AADACL2: variants seen among roughly 807,000 people sequenced by gnomAD.
AADACL2 encodes the protein arylacetamide deacetylase-like 2.
AADACL2 carries 23 observed loss-of-function variants against 22.3 expected under a neutral mutation model. That is an observed-to-expected ratio of 1.03 (90% CI 0.74 to 1.46). The LOEUF (loss-of-function observed/expected upper bound fraction) is 1.46. Among genes scored for constraint, AADACL2 ranks in the 40% most tolerant of loss-of-function variants. AADACL2 has a pLI of 0.00. For synonymous variants in AADACL2, 177 were observed against 166.2 expected, an observed-to-expected ratio of 1.07 and a Z score of -0.50; for missense variants, 472 against 482.9, an observed-to-expected ratio of 0.98 and a Z score of 0.21.
chr3:151,737,135 G>A (rs1471265344), intron 1 of AADACL2, among the ~76,000 whole-genome samples: 1 of 152,114 alleles, frequency 6.6e-6, no homozygotes, highest in African/African-American at 2.4e-5. Context: ...CTTTAGCTGT[G>A]TCCCAGAGAT....
intron 4 of AADACL2, among the ~76,000 whole-genome samples, chr3:151,746,363 T>G (rs1270864132): frequency 8.9e-6 from 1 of 112,856 alleles, no homozygotes; most frequent in Non-Finnish European, 2.0e-5. Context: ...TGTGTTTTTT[T>G]TGTTTTTTTT....
At chr3:151,751,269 T>C (rs1183115123) in intron 4 of AADACL2, among the ~76,000 whole-genome samples, 1 of 152,204 alleles carries the variant, frequency 6.6e-6, no homozygotes, top group Non-Finnish European at 1.5e-5. Context: ...AAATTTCATC[T>C]GAAACCGGTT....
intron 2 of AADACL2, 131 bp downstream of exon 2, chr3:151,740,999 T>C (rs1713263683): frequency 1.5e-6 from 1 of 679,074 alleles, no homozygotes; most frequent in Non-Finnish European, 2.4e-6. Context: ...TGGATAAGTA[T>C]AGATATAAAT....
intron 3 of AADACL2, among the ~76,000 whole-genome samples, chr3:151,744,377 G>C (rs1576613172): frequency 6.6e-6 from 1 of 152,236 alleles, no homozygotes; most frequent in East Asian, 1.9e-4. Flanking sequence ...AGAGTAAGCA[G>C]TTTTGGAAAC....
In AADACL2 at chr3:151,757,807, C is replaced by T; in HGVS notation, c.*213C>T. On this transcript the variant is annotated 3_prime_UTR_variant, in exon 5 of 5. Coordinates refer to ENST00000356517, the MANE Select transcript of AADACL2 (RefSeq NM_207365.4). ...TGTAATCCTGCCTATTTTCTCCTTACTTATAATTTATTATAATTATGTTGG... is the reference window on the plus strand; with the variant it reads ...TGTAATCCTGCCTATTTTCTCCTTATTTATAATTTATTATAATTATGTTGG... The T allele has an allele frequency of 2.5e-6, 1 of 397,304 alleles. No individual in the cohort carries two copies. Among genetic ancestry groups the T allele is most frequent in the East Asian group, 4.4e-5 (1 of 22,934 alleles). 24.6% of individuals were successfully genotyped at this position (397,304 alleles called of 1,614,324 possible). A position where few individuals can be genotyped will look rare whatever the true frequency, so the allele number is the denominator to read the frequency against.
intron 1 of AADACL2, among the ~76,000 whole-genome samples, chr3:151,737,128 T>TAAG (rs1713113582): frequency 2.0e-5 from 3 of 152,196 alleles, no homozygotes; most frequent in African/African-American, 7.2e-5. Flanking sequence ...AACACTGCTT[T>TAAG]AGCTGTGTCC....
intron 2 of AADACL2, among the ~76,000 whole-genome samples, chr3:151,742,592 C>T (rs1713315797): frequency 6.6e-6 from 1 of 152,104 alleles, no homozygotes; most frequent in Non-Finnish European, 1.5e-5. Context: ...TTTCTTGTGG[C>T]TGATAAAGAA....
intron 3 of AADACL2, 114 bp from the exon 4 acceptor site, chr3:151,745,395 C>T (rs1291123068): frequency 1.8e-6 from 2 of 1,106,390 alleles, no homozygotes; most frequent in East Asian, 2.6e-5. Flanking sequence ...AAAACTTAGG[C>T]TTGATTTTTA....
intron 1 of AADACL2, among the ~76,000 whole-genome samples, chr3:151,739,327 C>T (rs561656586): frequency 9.8e-5 from 15 of 152,336 alleles, no homozygotes; most frequent in African/African-American, 3.6e-4. Context: ...CCAGTGGAGG[C>T]TGCAGAACAG....
At chr3:151,745,701 T>C (rs370659768) in intron 4 of AADACL2, 21 bp downstream of exon 4, 23 of 1,552,364 alleles carry the variant, frequency 1.5e-5, no homozygotes, top group Non-Finnish European at 1.6e-5. Flanking sequence ...TTTGTTTTTA[T>C]GATAGGAGGC....
rs527475769 is a variant in AADACL2, at chr3:151,758,956, A to G, written c.*1362A>G. 6.6e-6 allele frequency: 1 copy of G among 152,278 alleles called. No individual in the cohort carries two copies. Among genetic ancestry groups the G allele is most frequent in the African/African-American group, 2.4e-5 (1 of 41,570 alleles). The allele number at this position is 152,278 out of a possible 1,614,324, so 9.4% of individuals were successfully genotyped here. A position where few individuals can be genotyped will look rare whatever the true frequency, so the allele number is the denominator to read the frequency against. ...AAGGCAATTAAGAATTACAATTTCA[A>G]CAGTCCACAAACAAAATAAGATTTT... On this transcript the variant is annotated 3_prime_UTR_variant, in exon 5 of 5. Coordinates refer to ENST00000356517, the MANE Select transcript of AADACL2 (RefSeq NM_207365.4).
At position 151,757,411 on chromosome 3, in the gene AADACL2, T is replaced by C. The variant is rs1392254427; in HGVS notation, c.1023T>C (p.Asp341=). The C allele has an allele frequency of 1.2e-6, 2 of 1,613,610 alleles. No individual in the cohort carries two copies. Among genetic ancestry groups the C allele is most frequent in the East Asian group, 4.5e-5 (2 of 44,870 alleles). The change falls in exon 5 of 5, where the codon GAT becomes GAC. Residue 341 remains aspartate (D), a synonymous_variant. Transcript: ENST00000356517. ...PLTYILTCQH[D]LLRDDGLMYV... ...CCTATATTCTTACTTGTCAACATGATCTCTTAAGAGATGATGGACTTATGT... is the reference window on the plus strand; with the variant it reads ...CCTATATTCTTACTTGTCAACATGACCTCTTAAGAGATGATGGACTTATGT...
intron 4 of AADACL2, among the ~76,000 whole-genome samples, chr3:151,747,231 T>C (rs916000125): frequency 2.6e-5 from 4 of 152,196 alleles, no homozygotes; most frequent in Non-Finnish European, 5.9e-5. Flanking sequence ...ATAGTTACCA[T>C]TTATTTTTTC....
intron 1 of AADACL2, among the ~76,000 whole-genome samples, chr3:151,736,080 A>G (rs1200230952): frequency 6.6e-6 from 1 of 152,106 alleles, no homozygotes; most frequent in Non-Finnish European, 1.5e-5. Flanking sequence ...GTGTGTTCAT[A>G]TGAAGATATT....
At chr3:151,754,249 A>G (rs1366050024) in intron 4 of AADACL2, among the ~76,000 whole-genome samples, 1 of 152,150 alleles carries the variant, frequency 6.6e-6, no homozygotes, top group African/African-American at 2.4e-5. Flanking sequence ...GTTTACTCCA[A>G]GCATTTTAGC....
intron 4 of AADACL2, among the ~76,000 whole-genome samples, chr3:151,755,920 C>T (rs1365025863): frequency 6.6e-5 from 10 of 152,118 alleles, no homozygotes; most frequent in African/African-American, 2.4e-4. Context: ...AGGAAAGTTT[C>T]TGTAAGATAA....
intron 1 of AADACL2, among the ~76,000 whole-genome samples, chr3:151,737,430 T>A (rs956313842): frequency 3.3e-5 from 5 of 152,126 alleles, no homozygotes; most frequent in Admixed American, 3.3e-4. Flanking sequence ...GAGAAGAATG[T>A]ATATTCTGTT....
intron 3 of AADACL2, among the ~76,000 whole-genome samples, chr3:151,745,255 T>G (rs1297788656): frequency 6.6e-6 from 1 of 152,178 alleles, no homozygotes; most frequent in African/African-American, 2.4e-5. Flanking sequence ...AAATTTTTGC[T>G]TACAATTCCT....
intron 1 of AADACL2, among the ~76,000 whole-genome samples, chr3:151,739,273 A>T (rs1713197322): frequency 6.6e-6 from 1 of 152,090 alleles, no homozygotes; most frequent in Non-Finnish European, 1.5e-5. Context: ...GGTCTGTTGC[A>T]GTTTGCTGGA....
Sources: gnomAD v4.1 joint callset for allele counts (sites outside exome capture counted in the v4.1 genomes callset) on GRCh38, gnomAD v4.1.1 for gene constraint, MANE v1.5 for transcripts, NCBI Gene and HGNC (gene_info 2026-07-23, HGNC 2026-07-21) for gene names.